The following RHOBTB1 variants were observed in gnomAD, a reference collection of about 807,000 sequenced individuals.
RHOBTB1 encodes rho-related BTB domain-containing protein 1.
Under a neutral mutation model 71.6 loss-of-function variants are expected in RHOBTB1, and 40 were observed. The ratio of observed to expected loss-of-function variants is 0.56; its 90% CI spans 0.43 to 0.73. The LOEUF is 0.73. Among genes scored for constraint, RHOBTB1 ranks in the 30% least tolerant of loss-of-function variants. The pLI is 0.00. For missense variants in RHOBTB1, 797 were observed against 894.0 expected (o/e 0.89, Z 1.38); for synonymous variants, 319 against 334.9 (o/e 0.95, Z 0.52).
upstream of RHOBTB1, among the ~76,000 whole-genome samples, chr10:60,949,076 G>T (rs781316712): frequency 1.3e-5 from 2 of 152,178 alleles, no homozygotes; most frequent in Non-Finnish European, 2.9e-5. Context: ...ACTGTTCTGA[G>T]GCTCTTCATT....
chr10:60,884,766 A>G (rs2081488699), intron 7 of RHOBTB1, among the ~76,000 whole-genome samples: 1 of 152,248 alleles, frequency 6.6e-6, no homozygotes, highest in African/African-American at 2.4e-5. Flanking sequence ...TTGCACTTAT[A>G]TGTGGAATCT....
chr10:61,000,124 T>G (rs1299507106), intron 1 of RHOBTB1, among the ~76,000 whole-genome samples: 2 of 152,226 alleles, frequency 1.3e-5, no homozygotes, highest in African/African-American at 4.8e-5. Context: ...TTACAAATCT[T>G]TTATTAGTTA....
chr10:60,977,109 C>T (rs553850608), intron 2 of RHOBTB1, among the ~76,000 whole-genome samples: 3 of 152,090 alleles, frequency 2.0e-5, no homozygotes, highest in Non-Finnish European at 4.4e-5. Context: ...CAAATTCTGA[C>T]TTAGAATAAA....
intron 2 of RHOBTB1, among the ~76,000 whole-genome samples, chr10:60,950,856 C>G (rs1221450784): frequency 6.6e-6 from 1 of 152,074 alleles, no homozygotes; most frequent in East Asian, 1.9e-4. Flanking sequence ...TCCCCAAATG[C>G]TGACTGTAAG....
At chr10:60,965,247 A>T (rs768958443) in intron 2 of RHOBTB1, among the ~76,000 whole-genome samples, 1 of 152,018 alleles carries the variant, frequency 6.6e-6, no homozygotes, top group Non-Finnish European at 1.5e-5. Flanking sequence ...CTTAGGTTTT[A>T]TATATATTAT....
At chr10:60,899,152 C>T (rs952395356) in intron 4 of RHOBTB1, among the ~76,000 whole-genome samples, 1 of 152,206 alleles carries the variant, frequency 6.6e-6, no homozygotes, top group Non-Finnish European at 1.5e-5. Context: ...ATTCTTACAC[C>T]TCACATAATC....
intron 2 of RHOBTB1, among the ~76,000 whole-genome samples, chr10:60,970,063 A>C (rs1008027612): frequency 1.3e-5 from 2 of 152,004 alleles, no homozygotes; most frequent in Admixed American, 1.3e-4. Context: ...TTTCCAGTGC[A>C]CTCTCCAGTT....
Position 60,889,060 on chromosome 10 carries a change from G to A in RHOBTB1, c.608C>T (p.Ala203Val), listed in dbSNP as rs1435145020. The A allele has an allele frequency of 1.2e-6, 2 of 1,614,176 alleles. No homozygotes were observed. The highest frequency in any genetic ancestry group is 1.1e-5 in the South Asian group (1 of 91,074). ...QFGIKDVFDN[A>V]IRAALISRRH... ...GCGGGAAATCAGCGCTGCTCGGATTGCATTGTCAAACACATCCTTGATACC... is the reference window on the plus strand; with the variant it reads ...GCGGGAAATCAGCGCTGCTCGGATTACATTGTCAAACACATCCTTGATACC... Residue 203 changes from alanine to valine, a missense_variant, in exon 6 of 11, where the codon GCA becomes GTA. Coordinates refer to ENST00000337910, the MANE Select transcript of RHOBTB1 (RefSeq NM_014836.5).
chr10:60,914,035 G>A (rs2083137412), intron 2 of RHOBTB1, among the ~76,000 whole-genome samples: 1 of 152,106 alleles, frequency 6.6e-6, no homozygotes, highest in South Asian at 2.1e-4. Context: ...AGGAAGGCCA[G>A]AATTAGATGC....
At chr10:60,971,515 C>T (rs1300370400) in intron 2 of RHOBTB1, among the ~76,000 whole-genome samples, 1 of 152,118 alleles carries the variant, frequency 6.6e-6, no homozygotes, top group African/African-American at 2.4e-5. Context: ...AAACTGGACC[C>T]ATTCCTTACA....
intron 4 of RHOBTB1, among the ~76,000 whole-genome samples, chr10:60,895,838 C>A (rs775598251): frequency 6.6e-6 from 1 of 152,238 alleles, no homozygotes; most frequent in Non-Finnish European, 1.5e-5. Flanking sequence ...GCCATATGAA[C>A]GTAGCTCCCT....
At chr10:60,960,572 A>G (rs1296983719) in intron 2 of RHOBTB1, among the ~76,000 whole-genome samples, 1 of 152,186 alleles carries the variant, frequency 6.6e-6, no homozygotes, top group Non-Finnish European at 1.5e-5. Flanking sequence ...GGTTGGATGG[A>G]ATATTAATAC....
At chr10:60,875,969 C>T (rs1204456154) in intron 8 of RHOBTB1, among the ~76,000 whole-genome samples, 2 of 152,248 alleles carry the variant, frequency 1.3e-5, no homozygotes, top group Non-Finnish European at 2.9e-5. Flanking sequence ...TAATCCAGCA[C>T]ATTGTCCAAA....
At chr10:60,872,339 G>A (rs1322270316) in intron 9 of RHOBTB1, 49 bp from the exon 10 acceptor site, 1 of 1,357,016 alleles carries the variant, frequency 7.4e-7, no homozygotes, top group Non-Finnish European at 1.1e-6. Flanking sequence ...CTAAAGAGGG[G>A]CTACAAAGAA....
At position 60,969,423 on chromosome 10, in the gene RHOBTB1, A is replaced by G. The variant is rs181365013; in HGVS notation, c.-62+16422T>C. On this transcript the variant is annotated intron_variant, in intron 2 of 11. Transcript: ENST00000357917. ...ACCCTGGGTTTGTAAAACATTAAAA[A>G]TCAGAGTATGTTCAGGGGAAAGTGA... is the stretch of plus-strand genomic sequence containing the variant. 4.4e-4 allele frequency among the ~76,000 whole-genome samples: 67 copies of G among 152,254 alleles called. 1 individual carries two copies. Among genetic ancestry groups the G allele is most frequent in the Non-Finnish European group, 7.4e-5 (5 of 68,000 alleles).
At chr10:60,974,452 A>T (rs1380958360) in intron 2 of RHOBTB1, among the ~76,000 whole-genome samples, 1 of 152,078 alleles carries the variant, frequency 6.6e-6, no homozygotes, top group African/African-American at 2.4e-5. Context: ...TATGAACAAA[A>T]TGCCTTTGTG....
At chr10:60,880,408 A>G (rs1424234754) in intron 7 of RHOBTB1, among the ~76,000 whole-genome samples, 2 of 152,136 alleles carry the variant, frequency 1.3e-5, no homozygotes, top group Admixed American at 6.6e-5. Flanking sequence ...CAGCCACCAG[A>G]CACCTCAGAG....
At chr10:60,866,419 T>C (rs2080635652), downstream of RHOBTB1, among the ~76,000 whole-genome samples, 1 of 152,166 alleles carries the variant, frequency 6.6e-6, no homozygotes, top group African/African-American at 2.4e-5. Flanking sequence ...ACACTGTATA[T>C]AAAGAAACCC....
intron 4 of RHOBTB1, among the ~76,000 whole-genome samples, chr10:60,904,435 T>A (rs1289181969): frequency 6.6e-6 from 1 of 152,148 alleles, no homozygotes; most frequent in Non-Finnish European, 1.5e-5. Context: ...CTCCCCTCCA[T>A]CCTCTTCTCT....
Sources: allele counts gnomAD v4.1 joint callset (sites outside exome capture counted in the v4.1 genomes callset), GRCh38; gene constraint gnomAD v4.1.1; transcripts MANE v1.5; gene names NCBI Gene and HGNC (gene_info 2026-07-23, HGNC 2026-07-21).